Variants in DNAH11 observed in about 807,000 individuals in gnomAD.
DNAH11 encodes the protein axonemal beta dynein heavy chain 11.
In DNAH11, 442 loss-of-function variants were observed where a neutral mutation model predicts 526.0. That is an observed-to-expected ratio of 0.84 (90% CI 0.78 to 0.91). The LOEUF (loss-of-function observed/expected upper bound fraction) is 0.91, where lower values mean the gene tolerates loss of function less well. Among genes scored for constraint, DNAH11 ranks in the 40% least tolerant of loss-of-function variants. The pLI is 0.00. For synonymous variants in DNAH11, 2,461 were observed against 1,935.9 expected (o/e 1.27, Z -7.12); for missense variants, 6,989 against 5,448.7 (o/e 1.28, Z -8.90).
In DNAH11 at chr7:21,616,219, A is replaced by C; in HGVS notation, c.4022A>C (p.Asp1341Ala). 6.2e-7 allele frequency: 1 copy of C among 1,613,544 alleles called. No homozygotes were observed. The highest frequency in any genetic ancestry group is 8.5e-7 in the Non-Finnish European group (1 of 1,179,656). The change falls in exon 22 of 82, where the codon GAT becomes GCT. Residue 1341 changes from aspartate to alanine, a missense_variant. Coordinates refer to ENST00000409508, the MANE Select transcript of DNAH11 (RefSeq NM_001277115.2). The part of the protein sequence containing the change: ...DVIIYVRRSI[D>A]NWTKTQWRQI... ...CTTTTGCGTTTTCAGAGAAGCATTGATAATTGGACTAAAACCCAGTGGAGA... is the reference window on the plus strand; with the variant it reads ...CTTTTGCGTTTTCAGAGAAGCATTGCTAATTGGACTAAAACCCAGTGGAGA...
chr7:21,600,975 C>G, intron 16 of DNAH11, 35 bp from the exon 17 acceptor site: 1 of 1,610,350 alleles, frequency 6.2e-7, no homozygotes, highest in African/African-American at 1.3e-5. Context: ...TGGCTTTTCA[C>G]TGAGTTGTTC....
intron 28 of DNAH11, among the ~76,000 whole-genome samples, chr7:21,653,405 G>A (rs1781870815): frequency 6.6e-6 from 1 of 152,144 alleles, no homozygotes; most frequent in African/African-American, 2.4e-5. Context: ...ATAAGAAATA[G>A]GAGAACTCTG....
At chr7:21,738,973 T>C (rs1785746829) in intron 47 of DNAH11, 107 bp downstream of exon 47, 2 of 1,101,454 alleles carry the variant, frequency 1.8e-6, no homozygotes, top group Admixed American at 3.5e-5. Flanking sequence ...GGATGAATTA[T>C]TATGGATGAA....
intron 67 of DNAH11, 100 bp downstream of exon 67, chr7:21,852,731 A>C: frequency 1.6e-6 from 2 of 1,288,876 alleles, no homozygotes; most frequent in Non-Finnish European, 2.1e-6. Context: ...CTCTAAGAGG[A>C]CCAGCGTGTG....
chr7:21,807,204 A>C (rs1789300281), intron 62 of DNAH11, among the ~76,000 whole-genome samples: 2 of 152,218 alleles, frequency 1.3e-5, no homozygotes, highest in Admixed American at 6.5e-5. Flanking sequence ...TGACATTAAA[A>C]ATCCTGACAT....
intron 54 of DNAH11, among the ~76,000 whole-genome samples, 171 bp downstream of exon 54, chr7:21,750,535 T>C (rs1478855188): frequency 1.3e-5 from 2 of 152,266 alleles, no homozygotes; most frequent in Admixed American, 6.5e-5. Flanking sequence ...TGTCCCATGA[T>C]GCTGGGCTCC....
intron 61 of DNAH11, among the ~76,000 whole-genome samples, chr7:21,796,069 G>A (rs958201387): frequency 2.6e-5 from 4 of 152,132 alleles, no homozygotes; most frequent in East Asian, 1.9e-4. Flanking sequence ...ATGATCACAC[G>A]GGAAATTGCA....
At position 21,901,445 on chromosome 7, in the gene DNAH11, CACGACTGTAATCCCAGTTACTCA is replaced by C; in HGVS notation, c.*192_*214del. On this transcript the variant is annotated 3_prime_UTR_variant, in exon 82 of 82. Coordinates refer to ENST00000409508, the MANE Select transcript of DNAH11 (RefSeq NM_001277115.2). The stretch of plus-strand genomic sequence containing the variant: ...TAACTCAGGGCTGAGCGTGGTGGCA[CACGACTGTAATCCCAGTTACTCA>C]GGAGGTAGGAGAATCACTTGAACCT... The C allele has an allele frequency of 1.4e-6, 1 of 705,532 alleles. No individual in the cohort carries two copies. The highest frequency in any genetic ancestry group is 2.0e-6 in the Non-Finnish European group (1 of 500,916). 43.7% of individuals were successfully genotyped at this position (705,532 alleles called of 1,614,324 possible). A position where few individuals can be genotyped will look rare whatever the true frequency, so the allele number is the denominator to read the frequency against.
intron 20 of DNAH11, among the ~76,000 whole-genome samples, chr7:21,607,596 C>T (rs531667018): frequency 2.0e-5 from 3 of 152,140 alleles, no homozygotes; most frequent in Non-Finnish European, 4.4e-5. Flanking sequence ...TTCTCAGTCT[C>T]CCTATGATAT....
intron 65 of DNAH11, among the ~76,000 whole-genome samples, chr7:21,830,276 A>AT (rs35024160): frequency 0.27 from 41,647 of 152,156 alleles, 6,675 homozygotes; most frequent in African/African-American, 0.44. Flanking sequence ...ATTGTAAAAA[A>AT]ATTATGAATT....
intron 65 of DNAH11, among the ~76,000 whole-genome samples, chr7:21,842,010 C>T (rs1472678305): frequency 1.3e-5 from 2 of 152,036 alleles, no homozygotes; most frequent in Non-Finnish European, 2.9e-5. Flanking sequence ...TTTTTATTAA[C>T]CTTTTAAAAT....
rs1245405071 is a variant in DNAH11 at position 21,854,561 on chromosome 7, T to C, written c.11202+106T>C. 4.1e-6 allele frequency: 5 copies of C among 1,213,984 alleles called. No homozygotes were observed. The East Asian group carries it at 1.3e-4, about 32-fold the overall frequency. The allele number at this position is 1,213,984 out of a possible 1,614,324, so 75.2% of individuals were successfully genotyped here. On this transcript the variant is annotated intron_variant, in intron 68 of 81. Transcript: ENST00000409508. ...TGATAATAATAATAACTATTATTAC[T>C]ATTATTGAGACAGAGTCTCACTCTG...
chr7:21,854,984 A>G (rs548300871), intron 68 of DNAH11, among the ~76,000 whole-genome samples: 54 of 151,358 alleles, frequency 3.6e-4, no homozygotes, highest in Admixed American at 7.9e-4. Context: ...AACTGTGCAT[A>G]CGGTATCATA....
rs1171414055 is a variant in DNAH11, at chr7:21,873,367, A to G, written c.12061A>G (p.Ser4021Gly). Residue 4021 changes from serine (S) to glycine (G), a missense_variant, in exon 74 of 82, where the codon AGT (serine) becomes GGT (glycine). Physicochemically the swap from Ser to Gly is moderately conservative, Grantham distance 56 (BLOSUM62 0). Transcript: ENST00000409508. ...GSHRDYRVFM[S>G]AESAPTPDEH... ...CCACAGAGATTACAGGGTTTTCATGAGTGCTGAGTCTGCACCTACACCAGA... is the reference window on the plus strand; with the variant it reads ...CCACAGAGATTACAGGGTTTTCATGGGTGCTGAGTCTGCACCTACACCAGA... 3 of 1,613,928 alleles carry G rather than the reference A, an allele frequency of 1.9e-6. No individual in the cohort carries two copies. The highest frequency in any genetic ancestry group is 1.3e-5 in the African/African-American group (1 of 75,060).
chr7:21,812,595 A>G (rs1402731176), intron 63 of DNAH11, among the ~76,000 whole-genome samples: 1 of 152,168 alleles, frequency 6.6e-6, no homozygotes, highest in African/African-American at 2.4e-5. Context: ...TAGAGGTTAC[A>G]GCAAGCTATG....
intron 63 of DNAH11, among the ~76,000 whole-genome samples, chr7:21,811,144 C>A (rs1005659656): frequency 6.6e-6 from 1 of 152,120 alleles, no homozygotes; most frequent in African/African-American, 2.4e-5. Flanking sequence ...ATGGATGAAC[C>A]TTGTCAATAT....
At chr7:21,864,733 C>T in intron 70 of DNAH11, 76 bp downstream of exon 70, 2 of 1,395,802 alleles carry the variant, frequency 1.4e-6, no homozygotes, top group Non-Finnish European at 1.9e-6. Flanking sequence ...GAAATGTAAA[C>T]ATTAAAGAAT....
rs931401618 is a variant in DNAH11, at chr7:21,649,753, C to A, written c.4945-6079C>A. Among the ~76,000 whole-genome samples, 6 of 151,702 alleles carry A rather than the reference C, an allele frequency of 4.0e-5. No homozygotes were observed. The East Asian group carries it at 9.7e-4, about 24-fold the overall frequency. On this transcript the variant is annotated intron_variant, in intron 28 of 81. Coordinates refer to ENST00000409508, the MANE Select transcript of DNAH11 (RefSeq NM_001277115.2). ...CAATCTGGACTCACTGCAACCTCCA[C>A]CTCCTGGGTTCAAGCAATTCTTAAG...
In DNAH11 at chr7:21,816,568, G is replaced by A. The variant is rs1294226475; in HGVS notation, c.10434G>A (p.Met3478Ile). Residue 3478 changes from methionine to isoleucine, a missense_variant, in exon 64 of 82, where the codon ATG becomes ATA. Physicochemically the swap from Met to Ile is conservative, Grantham distance 10 (BLOSUM62 1). Coordinates refer to ENST00000409508, the MANE Select transcript of DNAH11 (RefSeq NM_001277115.2). ...WNNEGLPSDR[M>I]STENAAILTH... ...ACGAAGGACTGCCCAGTGACAGAATGTCCACCGAAAATGCCGCTATCCTAA... is the reference window on the plus strand; with the variant it reads ...ACGAAGGACTGCCCAGTGACAGAATATCCACCGAAAATGCCGCTATCCTAA... 6.2e-7 allele frequency: 1 copy of A among 1,613,364 alleles called. No individual in the cohort carries two copies. Among genetic ancestry groups the A allele is most frequent in the East Asian group, 2.2e-5 (1 of 44,848 alleles).
Sources: allele counts gnomAD v4.1 joint callset (sites outside exome capture counted in the v4.1 genomes callset), GRCh38; gene constraint gnomAD v4.1.1; transcripts MANE v1.5; gene names NCBI Gene and HGNC (gene_info 2026-07-23, HGNC 2026-07-21).